Variants in PPIE observed in about 807,000 individuals in gnomAD.
PPIE encodes the protein peptidylprolyl isomerase E.
PPIE carries 20 observed loss-of-function variants against 38.4 expected under a neutral mutation model. The ratio of observed to expected loss-of-function variants is 0.52; its 90% CI spans 0.37 to 0.76. The LOEUF (loss-of-function observed/expected upper bound fraction) is 0.76, where lower values mean the gene tolerates loss of function less well. Ranked by LOEUF, PPIE falls within the 30% of genes least tolerant of loss-of-function variation. The probability of loss-of-function intolerance (pLI) is 0.00; values close to 1 mark genes in which losing one functional copy is unlikely to be tolerated. For synonymous variants in PPIE, 142 were observed against 135.7 expected, an observed-to-expected ratio of 1.05 and a Z score of -0.32; for missense variants, 322 against 385.8, an observed-to-expected ratio of 0.83 and a Z score of 1.39.
Position 39,738,914 on chromosome 1 carries a change from A to G in PPIE, c.14A>G (p.Lys5Arg), listed in dbSNP as rs1646987131. The stretch of plus-strand genomic sequence containing the variant: ...CGCGCGAGCAAGATGGCCACCACCA[A>G]GCGCGTCTTGTACGTGGGTGAGCAG... MATT[K>R]RVLYVGGLAE... Residue 5 changes from lysine (K) to arginine (R), a missense_variant, in exon 1 of 10, where the codon AAG (lysine) becomes AGG (arginine). Physicochemically the swap from Lys to Arg is conservative, Grantham distance 26. Transcript: ENST00000324379. The G allele has an allele frequency of 2.7e-6, 4 of 1,504,076 alleles. No homozygotes were observed. The South Asian group carries it at 3.9e-5, about 15-fold the overall frequency. 93.2% of individuals were successfully genotyped at this position (1,504,076 alleles called of 1,614,324 possible). A position where few individuals can be genotyped will look rare whatever the true frequency, so the allele number is the denominator to read the frequency against.
rs980915374 is a variant in PPIE, at chr1:39,753,125, C to G, written c.837+73C>G. The G allele has an allele frequency of 1.5e-5, 24 of 1,601,736 alleles. 2 individuals are homozygous for G. In the South Asian group the frequency reaches 2.4e-4, roughly 16 times the overall value. ...CAGCCCTGTGTGAGGGCTGGAGAGT[C>G]TCTGTGGCCTGAGAGAGATGGCCAG... is the stretch of plus-strand genomic sequence containing the variant. On this transcript the variant is annotated intron_variant, in intron 9 of 9. Coordinates refer to ENST00000324379, the MANE Select transcript of PPIE (RefSeq NM_006112.4).
At position 39,755,188 on chromosome 1, in the gene PPIE, C is replaced by T; in HGVS notation, c.*1833C>T. 1 of 985,490 alleles carries T rather than the reference C, an allele frequency of 1.0e-6. No individual in the cohort carries two copies. Among genetic ancestry groups the T allele is most frequent in the Non-Finnish European group, 1.2e-6 (1 of 829,946 alleles). The allele number at this position is 985,490 out of a possible 1,614,324, so 61.0% of individuals were successfully genotyped here. ...TTTTAGCAGGGACTGAGTCCTGTAG[C>T]TGTTGGACACCTCCTGTGGGTTGGG... On this transcript the variant is annotated 3_prime_UTR_variant, in exon 10 of 10. Transcript: ENST00000324379.
intron 8 of PPIE, among the ~76,000 whole-genome samples, chr1:39,751,305 AAC>A (rs1647706453): frequency 1.3e-5 from 2 of 152,310 alleles, no homozygotes; most frequent in South Asian, 4.1e-4. Flanking sequence ...GATAACTGTA[AAC>A]ACATTTTTTA....
At chr1:39,743,432 T>C in intron 5 of PPIE, 135 bp downstream of exon 5, 1 of 756,902 alleles carries the variant, frequency 1.3e-6, no homozygotes, top group Non-Finnish European at 2.2e-6. Context: ...TGGTTCACAT[T>C]GGGAAGGGCA....
chr1:39,739,277 C>T, intron 1 of PPIE: 1 of 274,064 alleles, frequency 3.6e-6, no homozygotes, highest in Non-Finnish European at 6.8e-6. Context: ...AGTGAACAGC[C>T]TTGCCACACA....
At chr1:39,743,364 C>G (rs1647109399) in intron 5 of PPIE, 67 bp downstream of exon 5, 4 of 1,408,854 alleles carry the variant, frequency 2.8e-6, no homozygotes, top group Middle Eastern at 1.8e-4. Flanking sequence ...CATTTTTTGT[C>G]TCTATTTACT....
At chr1:39,748,688 T>C in intron 7 of PPIE, 1 of 526,800 alleles carries the variant, frequency 1.9e-6, no homozygotes, top group Non-Finnish European at 3.4e-6. Context: ...TGAACTGAGA[T>C]TGTGCCATTG....
At position 39,762,517 on chromosome 1, in the gene PPIE, G is replaced by T. The variant is rs1251512376; in HGVS notation, c.838-1172G>T. 5.8e-6 allele frequency: 9 copies of T among 1,549,704 alleles called. No homozygotes were observed. In the Admixed American group the frequency reaches 1.6e-4, roughly 27 times the overall value. On this transcript the variant is annotated intron_variant, in intron 9 of 9. Transcript: ENST00000356511. ...CAGAAACCTGCTTTTGTCCTTTAAG[G>T]TTGCCCCAGATACCAAGGCATCAAA... is the stretch of plus-strand genomic sequence containing the variant.
chr1:39,752,510 C>G (rs1469985661), intron 8 of PPIE, among the ~76,000 whole-genome samples: 1 of 152,154 alleles, frequency 6.6e-6, no homozygotes, highest in Non-Finnish European at 1.5e-5. Flanking sequence ...CATGTACATT[C>G]TCTTACGTGA....
chr1:39,741,437 T>C (rs1340935964), intron 3 of PPIE, 28 bp downstream of exon 3: 1 of 1,611,442 alleles, frequency 6.2e-7, no homozygotes, highest in Non-Finnish European at 8.5e-7. Context: ...TAGTGTCTAG[T>C]CCTTGGTTTG....
At chr1:39,762,456 A>G in intron 9 of PPIE, 1 of 1,493,658 alleles carries the variant, frequency 6.7e-7, no homozygotes. Flanking sequence ...ACAAACACAC[A>G]GAGCACTCAA....
rs1054552682 is a variant in PPIE at position 39,743,889 on chromosome 1, G to A, written c.349G>A (p.Glu117Lys). 1.2e-6 allele frequency: 2 copies of A among 1,613,680 alleles called. No homozygotes were observed. Among genetic ancestry groups the A allele is most frequent in the African/African-American group, 2.7e-5 (2 of 74,912 alleles). The change falls in exon 6 of 10, where the codon GAA (glutamate) becomes AAA (lysine). Residue 117 changes from glutamate (E) to lysine (K), a missense_variant. Coordinates refer to ENST00000324379, the MANE Select transcript of PPIE (RefSeq NM_006112.4). ...GACGCTTGAAGAGAATAAAGAGGAA[G>A]AAGGGTCAGAGCCTCCCAAAGCAGA... ...GKTLEENKEE[E>K]GSEPPKAETQ...
intron 8 of PPIE, among the ~76,000 whole-genome samples, chr1:39,749,511 C>T (rs1472920653): frequency 6.6e-6 from 1 of 152,120 alleles, no homozygotes; most frequent in Admixed American, 6.5e-5. Flanking sequence ...GCCAACCTGA[C>T]CAGATTTCCC....
chr1:39,753,012 G>A lies in PPIE; in HGVS notation c.797G>A (p.Gly266Glu). 1 of 1,614,244 alleles carries A rather than the reference G, an allele frequency of 6.2e-7. No homozygotes were observed. Among genetic ancestry groups the A allele is most frequent in the South Asian group, 1.1e-5 (1 of 91,086 alleles). Residue 266 changes from glycine to glutamate, a missense_variant, in exon 9 of 10, where the codon GGA becomes GAA. By Grantham distance (98) the Gly-to-Glu change is moderately conservative (BLOSUM62 -2). Transcript: ENST00000324379. ...DWLDGKHVVF[G>E]EVTEGLDVLR... ...CTGGATGGCAAGCATGTGGTGTTTG[G>A]AGAGGTCACCGAAGGCCTAGATGTC... is the stretch of plus-strand genomic sequence containing the variant.
intron 6 of PPIE, 58 bp downstream of exon 6, chr1:39,743,982 T>C: frequency 8.3e-7 from 1 of 1,199,296 alleles, no homozygotes; most frequent in Non-Finnish European, 1.2e-6. Context: ...AGGAGACTTT[T>C]TTTTTTAAGT....
intron 6 of PPIE, among the ~76,000 whole-genome samples, chr1:39,744,288 G>C (rs1311697567): frequency 6.6e-6 from 1 of 152,094 alleles, no homozygotes; most frequent in Non-Finnish European, 1.5e-5. Flanking sequence ...CAAGGGTCGT[G>C]GTCTTCCTAT....
chr1:39,752,905 C>A lies in PPIE; in HGVS notation c.695-5C>A. 1 of 1,611,922 alleles carries A rather than the reference C, an allele frequency of 6.2e-7. No individual in the cohort carries two copies. The highest frequency in any genetic ancestry group is 1.1e-5 in the South Asian group (1 of 90,832). On this transcript the variant is annotated splice_region_variant and splice_polypyrimidine_tract_variant and intron_variant, in intron 8 of 9. Transcript: ENST00000324379. ...CGGGGAGCTGATGGTTGTTCTCTCCCTCAGGTCTACTATCCATGGCCAACT... is the reference window on the plus strand; with the variant it reads ...CGGGGAGCTGATGGTTGTTCTCTCCATCAGGTCTACTATCCATGGCCAACT...
downstream of PPIE, chr1:39,760,369 G>A (rs1324514971): frequency 1.9e-6 from 3 of 1,606,738 alleles, no homozygotes; most frequent in African/African-American, 2.7e-5. Flanking sequence ...GCTTCTGAGG[G>A]GCCCGATCCA....
chr1:39,756,662 T>C lies in PPIE; in HGVS notation c.*3307T>C, dbSNP rs998094768. 4.2e-6 allele frequency: 4 copies of C among 951,082 alleles called. No individual in the cohort carries two copies. The highest frequency in any genetic ancestry group is 3.5e-5 in the African/African-American group (2 of 56,508). The allele number at this position is 951,082 out of a possible 1,614,324, so 58.9% of individuals were successfully genotyped here. A position where few individuals can be genotyped will look rare whatever the true frequency, so the allele number is the denominator to read the frequency against. ...AAAAAGCACATCACAAAGAAACATA[T>C]ATAGTACAGTGTGATCCCAATTTTG... On this transcript the variant is annotated 3_prime_UTR_variant, in exon 10 of 10. Transcript: ENST00000324379.
Sources: gnomAD v4.1 joint callset for allele counts (sites outside exome capture counted in the v4.1 genomes callset) on GRCh38, gnomAD v4.1.1 for gene constraint, MANE v1.5 for transcripts, NCBI Gene and HGNC (gene_info 2026-07-23, HGNC 2026-07-21) for gene names.